Variants in ARHGAP32 observed in about 807,000 individuals in gnomAD.
The protein encoded by ARHGAP32 is rho GTPase-activating protein 32.
ARHGAP32 carries 51 observed loss-of-function variants against 186.5 expected under a neutral mutation model. The ratio of observed to expected loss-of-function variants is 0.27; its 90% CI spans 0.22 to 0.35. ARHGAP32 has a LOEUF of 0.35. ARHGAP32 is among the 10% of genes least tolerant of loss of function. The probability of loss-of-function intolerance (pLI) is 1.00; values close to 1 mark genes in which losing one functional copy is unlikely to be tolerated. For synonymous variants in ARHGAP32, 950 were observed against 964.3 expected (o/e 0.99, Z 0.27); for missense variants, 2,186 against 2,623.5 (o/e 0.83, Z 3.64).
At chr11:129,230,171 G>A (rs1450801116) in intron 1 of ARHGAP32, among the ~76,000 whole-genome samples, 2 of 152,046 alleles carry the variant, frequency 1.3e-5, no homozygotes, top group Admixed American at 6.6e-5. Flanking sequence ...GAAGAATTGG[G>A]ACATTGGGTG....
intron 1 of ARHGAP32, among the ~76,000 whole-genome samples, chr11:129,266,557 C>G (rs922025245): frequency 6.6e-6 from 1 of 152,156 alleles, no homozygotes; most frequent in African/African-American, 2.4e-5. Flanking sequence ...TGCTGGCACA[C>G]TGGTTAGGAA....
At chr11:129,048,473 GTATC>G (rs1939903342) in intron 10 of ARHGAP32, among the ~76,000 whole-genome samples, 1 of 146,760 alleles carries the variant, frequency 6.8e-6, no homozygotes, top group South Asian at 2.1e-4. Flanking sequence ...GAGTAGTAAA[GTATC>G]TATTTTTTTT....
At chr11:129,252,527 A>AGTC (rs1299247564) in intron 1 of ARHGAP32, among the ~76,000 whole-genome samples, 1 of 152,234 alleles carries the variant, frequency 6.6e-6, no homozygotes, top group Non-Finnish European at 1.5e-5. Context: ...AGAGTAAAAC[A>AGTC]GTCCAGTAAA....
At position 128,968,893 on chromosome 11, in the gene ARHGAP32, A is replaced by C; in HGVS notation, c.*14T>G. Reference sequence around the variant, plus strand: ...GTCCAGCAGAGGCTGCTTCAACTCTATTGCTCGCAGGGCTCATTCTGCATG... The same window carrying C: ...GTCCAGCAGAGGCTGCTTCAACTCTCTTGCTCGCAGGGCTCATTCTGCATG... On this transcript the variant is annotated 3_prime_UTR_variant, in exon 23 of 23. Transcript: ENST00000682385. 6.8e-7 allele frequency: 1 copy of C among 1,467,548 alleles called. No homozygotes were observed. The highest frequency in any genetic ancestry group is 9.1e-7 in the Non-Finnish European group (1 of 1,104,310). 90.9% of individuals were successfully genotyped at this position (1,467,548 alleles called of 1,614,324 possible). A position where few individuals can be genotyped will look rare whatever the true frequency, so the allele number is the denominator to read the frequency against.
At chr11:129,108,812 T>C (rs1942121716) in intron 5 of ARHGAP32, among the ~76,000 whole-genome samples, 1 of 152,188 alleles carries the variant, frequency 6.6e-6, no homozygotes. Flanking sequence ...TTTTACATAT[T>C]TGTGAGTTAC....
rs182591155 is a variant in ARHGAP32, at chr11:129,107,432, G to A, written c.445-13725C>T. Among the ~76,000 whole-genome samples, 540 of 152,234 alleles carry A rather than the reference G, an allele frequency of 3.5e-3. 3 individuals are homozygous for A. Among genetic ancestry groups the A allele is most frequent in the South Asian group, 0.034 (162 of 4,818 alleles). Reference sequence around the variant, plus strand: ...TGGGCAAACACACACCAGTAATACCGAAACTCTGGTTTAGAACCCCACTTT... The same window carrying A: ...TGGGCAAACACACACCAGTAATACCAAAACTCTGGTTTAGAACCCCACTTT... On this transcript the variant is annotated intron_variant, in intron 5 of 22. Coordinates refer to ENST00000682385, the MANE Select transcript of ARHGAP32 (RefSeq NM_001378024.1).
chr11:129,167,385 T>A (rs1943661227), intron 1 of ARHGAP32, among the ~76,000 whole-genome samples: 1 of 152,022 alleles, frequency 6.6e-6, no homozygotes, highest in Non-Finnish European at 1.5e-5. Context: ...TCAAGAGAAA[T>A]AAAAACACGT....
chr11:129,239,899 G>A (rs1394834887), intron 1 of ARHGAP32, among the ~76,000 whole-genome samples: 2 of 152,038 alleles, frequency 1.3e-5, no homozygotes, highest in African/African-American at 2.4e-5. Context: ...CAGACTTTTT[G>A]CACCAGCAGA....
chr11:129,086,617 C>G (rs545501574), intron 6 of ARHGAP32, among the ~76,000 whole-genome samples: 9 of 152,092 alleles, frequency 5.9e-5, no homozygotes, highest in South Asian at 4.2e-4. Context: ...GTCAGGAGAT[C>G]GAGACCATCC....
intron 12 of ARHGAP32, chr11:128,993,123 T>C (rs1946106095): frequency 6.6e-6 from 1 of 152,180 alleles, no homozygotes; most frequent in Admixed American, 6.5e-5. Flanking sequence ...AACAGAGAGG[T>C]ACTCAGAAGT....
chr11:129,264,213 G>A (rs1329350611), intron 1 of ARHGAP32, among the ~76,000 whole-genome samples: 4 of 152,156 alleles, frequency 2.6e-5, no homozygotes, highest in South Asian at 4.1e-4. Context: ...GAAACAGAAA[G>A]TAGAATGTGG....
intron 6 of ARHGAP32, among the ~76,000 whole-genome samples, chr11:129,078,649 C>A (rs514585): frequency 6.6e-6 from 1 of 151,710 alleles, no homozygotes; most frequent in African/African-American, 2.4e-5. Flanking sequence ...TACACCACCA[C>A]GCGTGGCTAA....
intron 2 of ARHGAP32, among the ~76,000 whole-genome samples, chr11:129,127,614 A>G (rs1172531751): frequency 1.6e-5 from 2 of 125,690 alleles, no homozygotes; most frequent in African/African-American, 6.8e-5. Context: ...TGATGAACTA[A>G]TATTTTCACC....
chr11:128,989,764 T>C (rs1945992951), intron 12 of ARHGAP32, among the ~76,000 whole-genome samples: 1 of 150,814 alleles, frequency 6.6e-6, no homozygotes, highest in Admixed American at 6.6e-5. Context: ...CCCTATTCCA[T>C]GTGTTCTCAT....
At chr11:129,118,085 AG>A (rs1181850931) in intron 5 of ARHGAP32, among the ~76,000 whole-genome samples, 7 of 152,070 alleles carry the variant, frequency 4.6e-5, no homozygotes, top group African/African-American at 7.2e-5. Flanking sequence ...CAAAACCTGT[AG>A]AATTTGGCCA....
rs1390558320 is a variant in ARHGAP32, at chr11:129,274,848, ATGGG to A, written c.-5+4294_-5+4297del. Among the ~76,000 whole-genome samples, 26 of 151,970 alleles carry A rather than the reference ATGGG, an allele frequency of 1.7e-4. No individual in the cohort carries two copies. In the South Asian group the frequency reaches 5.2e-3, roughly 31 times the overall value. On this transcript the variant is annotated intron_variant, in intron 1 of 6. Transcript: ENST00000525234. ...GGAAGACTTTAGAGTACATATACAT[ATGGG>A]GAAAATTATCCAACCCTGGCCTAAT...
chr11:129,098,406 A>C (rs1425308569), intron 5 of ARHGAP32, among the ~76,000 whole-genome samples: 1 of 151,414 alleles, frequency 6.6e-6, no homozygotes, highest in African/African-American at 2.4e-5. Context: ...AGCATTATTT[A>C]TTTTTCTTTT....
At chr11:129,011,286 G>A (rs1262120279) in intron 11 of ARHGAP32, among the ~76,000 whole-genome samples, 1 of 152,196 alleles carries the variant, frequency 6.6e-6, no homozygotes, top group African/African-American at 2.4e-5. Flanking sequence ...CTAAGTTAAT[G>A]TGCCCACTGT....
At chr11:129,196,875 G>A (rs1183608906), upstream of ARHGAP32, among the ~76,000 whole-genome samples, 2 of 152,010 alleles carry the variant, frequency 1.3e-5, no homozygotes, top group South Asian at 2.1e-4. Context: ...TGTCCAACAC[G>A]GTGAAAACCC....
Sources: gnomAD v4.1 joint callset for allele counts (sites outside exome capture counted in the v4.1 genomes callset) on GRCh38, gnomAD v4.1.1 for gene constraint, MANE v1.5 for transcripts, NCBI Gene and HGNC (gene_info 2026-07-23, HGNC 2026-07-21) for gene names.